Variants in PDZD2 observed in about 807,000 individuals in gnomAD.
PDZD2 encodes the protein PDZ domain-containing protein 2.
Under a neutral mutation model 220.7 loss-of-function variants are expected in PDZD2, and 90 were observed. That is an observed-to-expected ratio of 0.41 (90% CI 0.34 to 0.49). PDZD2 has a LOEUF of 0.49. Among genes scored for constraint, PDZD2 ranks in the 20% least tolerant of loss-of-function variants. The probability of loss-of-function intolerance (pLI) is 0.28; values close to 1 mark genes in which losing one functional copy is unlikely to be tolerated. For synonymous variants in PDZD2, 1,375 were observed against 1,450.5 expected, an observed-to-expected ratio of 0.95 and a Z score of 1.18; for missense variants, 3,174 against 3,608.5, an observed-to-expected ratio of 0.88 and a Z score of 3.08.
At chr5:32,076,577 T>A (rs1741322883) in intron 18 of PDZD2, among the ~76,000 whole-genome samples, 1 of 152,186 alleles carries the variant, frequency 6.6e-6, no homozygotes, top group African/African-American at 2.4e-5. Context: ...CCTTCCTCTT[T>A]TGGTACGTGA....
chr5:31,757,669 T>C (rs951697286), intron 1 of PDZD2, among the ~76,000 whole-genome samples: 3 of 152,010 alleles, frequency 2.0e-5, no homozygotes, highest in African/African-American at 4.8e-5. Flanking sequence ...CGCTGGCTAA[T>C]TGGCTGAGGT....
intron 2 of PDZD2, among the ~76,000 whole-genome samples, chr5:31,866,151 G>T (rs74672149): frequency 0.035 from 5,388 of 151,838 alleles, 95 homozygotes; most frequent in African/African-American, 0.052. Flanking sequence ...GGCGGGGGCC[G>T]TCACACCTGG....
intron 2 of PDZD2, among the ~76,000 whole-genome samples, chr5:31,969,861 T>G (rs994335378): frequency 5.3e-5 from 8 of 152,064 alleles, no homozygotes; most frequent in African/African-American, 1.9e-4. Flanking sequence ...GCCACTGTGC[T>G]GGTGCATGAG....
intron 2 of PDZD2, among the ~76,000 whole-genome samples, chr5:31,904,233 T>C (rs1253191703): frequency 6.6e-6 from 1 of 152,196 alleles, no homozygotes; most frequent in African/African-American, 2.4e-5. Context: ...TACAAGTTGC[T>C]GAAGGTTAAC....
At chr5:32,027,986 C>T (rs1014043008) in intron 6 of PDZD2, among the ~76,000 whole-genome samples, 15 of 152,060 alleles carry the variant, frequency 9.9e-5, no homozygotes, top group African/African-American at 3.6e-4. Flanking sequence ...GGGGAATGAG[C>T]CAACAGAGCT....
At chr5:31,935,752 G>A (rs1240632760) in intron 2 of PDZD2, among the ~76,000 whole-genome samples, 2 of 152,164 alleles carry the variant, frequency 1.3e-5, no homozygotes, top group Non-Finnish European at 2.9e-5. Context: ...CACATTTTTA[G>A]TTATGTGAAG....
At chr5:31,730,566 G>T (rs1452864963) in intron 1 of PDZD2, among the ~76,000 whole-genome samples, 1 of 111,058 alleles carries the variant, frequency 9.0e-6, no homozygotes, top group Non-Finnish European at 2.0e-5. Flanking sequence ...GTGTGTGTGT[G>T]TGTGTGTGTG....
At chr5:31,987,010 A>T (rs1750773865) in intron 3 of PDZD2, among the ~76,000 whole-genome samples, 1 of 138,114 alleles carries the variant, frequency 7.2e-6, no homozygotes, top group Non-Finnish European at 1.6e-5. Flanking sequence ...ATGACTATTT[A>T]AAAAGACAAA....
chr5:31,955,297 TTTTG>T (rs1747561576), intron 2 of PDZD2, among the ~76,000 whole-genome samples: 1 of 151,776 alleles, frequency 6.6e-6, no homozygotes, highest in African/African-American at 2.4e-5. Flanking sequence ...GGGTTTTTTT[TTTTG>T]TTTTGTTTTG....
At chr5:32,082,096 A>ACTGCAACCTCTGCCTCC (rs1742022198) in intron 19 of PDZD2, among the ~76,000 whole-genome samples, 1 of 146,748 alleles carries the variant, frequency 6.8e-6, no homozygotes, top group African/African-American at 2.5e-5. Context: ...ATCTTGGCTC[A>ACTGCAACCTCTGCCTCC]CTGCAACCTC....
intron 6 of PDZD2, among the ~76,000 whole-genome samples, chr5:32,018,423 A>G (rs1753939775): frequency 6.6e-6 from 1 of 152,208 alleles, no homozygotes; most frequent in African/African-American, 2.4e-5. Context: ...CAGTTCAGGG[A>G]CAGAGGGAGT....
intron 1 of PDZD2, among the ~76,000 whole-genome samples, chr5:31,735,664 C>T (rs1326142145): frequency 1.3e-5 from 2 of 151,536 alleles, no homozygotes; most frequent in African/African-American, 4.8e-5. Flanking sequence ...GCCTGATATG[C>T]ACCCGGGCTC....
intron 1 of PDZD2, among the ~76,000 whole-genome samples, chr5:31,745,433 GATAAAA>G (rs1580672233): frequency 6.6e-6 from 1 of 151,996 alleles, no homozygotes; most frequent in African/African-American, 2.4e-5. Flanking sequence ...AGTATTTTTT[GATAAAA>G]ATAAATGGAT....
intron 2 of PDZD2, among the ~76,000 whole-genome samples, chr5:31,963,735 T>G (rs1311601034): frequency 2.0e-5 from 3 of 151,968 alleles, no homozygotes; most frequent in Admixed American, 1.3e-4. Flanking sequence ...AAAACAAGAG[T>G]CCAACATTGG....
intron 1 of PDZD2, among the ~76,000 whole-genome samples, chr5:31,750,096 A>G (rs1209233314): frequency 6.6e-6 from 1 of 152,124 alleles, no homozygotes; most frequent in Non-Finnish European, 1.5e-5. Flanking sequence ...CTTCTTGTCC[A>G]ACTTCATCAT....
chr5:32,010,422 C>G lies in PDZD2; in HGVS notation c.1347C>G (p.Asn449Lys). The change falls in exon 6 of 25, where the codon AAC (asparagine) becomes AAG (lysine). Residue 449 changes from asparagine (N) to lysine (K), a missense_variant. Around this residue, in one of 4 missense-constraint regions of PDZD2, gnomAD observed 632 missense variants for 708.1 expected, o/e 0.89. Coordinates refer to ENST00000438447, the MANE Select transcript of PDZD2 (RefSeq NM_178140.4). ...AAGATGTGTCCTCCTGGACTGATAACGAAGACCAGGAGGCAGACGGGGAAG... is the reference window on the plus strand; with the variant it reads ...AAGATGTGTCCTCCTGGACTGATAAGGAAGACCAGGAGGCAGACGGGGAAG... ...SVEDVSSWTDNEDQEADGEED... is the reference protein window; with the variant it reads ...SVEDVSSWTDKEDQEADGEED... The G allele has an allele frequency of 1.9e-6, 3 of 1,610,608 alleles. No individual in the cohort carries two copies. Among genetic ancestry groups the G allele is most frequent in the Non-Finnish European group, 2.5e-6 (3 of 1,176,880 alleles).
chr5:31,918,944 T>A (rs1252329566), intron 2 of PDZD2, among the ~76,000 whole-genome samples: 1 of 152,228 alleles, frequency 6.6e-6, no homozygotes, highest in Non-Finnish European at 1.5e-5. Context: ...TGGGAACCGC[T>A]GAGTGCTGAC....
At chr5:31,653,316 C>G (rs1210603693) in intron 1 of PDZD2, among the ~76,000 whole-genome samples, 1 of 152,056 alleles carries the variant, frequency 6.6e-6, no homozygotes, top group African/African-American at 2.4e-5. Flanking sequence ...TGCTGTGACT[C>G]AAGTACCTAG....
chr5:31,983,795 T>C (rs1750498538), intron 3 of PDZD2, 139 bp downstream of exon 3: 1 of 875,386 alleles, frequency 1.1e-6, no homozygotes. Flanking sequence ...AAGTTGCTTT[T>C]AAGGTTTAAA....
Sources: allele counts gnomAD v4.1 joint callset (sites outside exome capture counted in the v4.1 genomes callset), GRCh38; gene constraint gnomAD v4.1.1; regional missense constraint gnomAD v4.1.1; transcripts MANE v1.5; gene names NCBI Gene and HGNC (gene_info 2026-07-23, HGNC 2026-07-21).